INPP4B: variants seen among roughly 807,000 people sequenced by gnomAD.
The protein encoded by INPP4B is inositol polyphosphate 4-phosphatase type II.
INPP4B carries 55 observed loss-of-function variants against 122.5 expected under a neutral mutation model. The ratio of observed to expected loss-of-function variants is 0.45; its 90% CI spans 0.36 to 0.56. INPP4B has a LOEUF of 0.56. Ranked by LOEUF, INPP4B falls within the 20% of genes least tolerant of loss-of-function variation. The probability of loss-of-function intolerance (pLI) is 0.00; values close to 1 mark genes in which losing one functional copy is unlikely to be tolerated. For missense variants in INPP4B, 1,000 were observed against 1,097.7 expected (o/e 0.91, Z 1.26); for synonymous variants, 403 against 388.7 (o/e 1.04, Z -0.43).
At chr4:142,107,695 T>C (rs942467567) in intron 23 of INPP4B, among the ~76,000 whole-genome samples, 2 of 152,194 alleles carry the variant, frequency 1.3e-5, no homozygotes, top group African/African-American at 4.8e-5. Context: ...TCTGATGTTC[T>C]CCTGCATGTG....
At chr4:142,248,285 C>G (rs1356084024) in intron 11 of INPP4B, among the ~76,000 whole-genome samples, 1 of 151,372 alleles carries the variant, frequency 6.6e-6, no homozygotes, top group African/African-American at 2.4e-5. Context: ...GCACCCGTTC[C>G]TCCCCCTCCT....
intron 16 of INPP4B, among the ~76,000 whole-genome samples, chr4:142,166,491 A>G (rs1345423358): frequency 1.3e-5 from 2 of 151,866 alleles, no homozygotes; most frequent in African/African-American, 4.8e-5. Context: ...CAAATATTTT[A>G]TGATGAAATC....
At chr4:142,148,204 T>C (rs544253933) in intron 17 of INPP4B, among the ~76,000 whole-genome samples, 120 of 152,204 alleles carry the variant, frequency 7.9e-4, no homozygotes, top group African/African-American at 2.5e-3. Flanking sequence ...TTAACTCTCT[T>C]GCTGTTGCCC....
At chr4:142,115,474 T>C (rs1578954321) in intron 21 of INPP4B, among the ~76,000 whole-genome samples, 1 of 152,128 alleles carries the variant, frequency 6.6e-6, no homozygotes, top group African/African-American at 2.4e-5. Context: ...TGGCAGAAAC[T>C]CTACAAGCCA....
intron 15 of INPP4B, among the ~76,000 whole-genome samples, chr4:142,182,759 G>A (rs975057462): frequency 1.3e-5 from 2 of 151,994 alleles, no homozygotes; most frequent in Non-Finnish European, 2.9e-5. Flanking sequence ...AAACCTAAGA[G>A]TCCTTCAATC....
At chr4:142,453,814 T>G (rs1040665894) in intron 3 of INPP4B, among the ~76,000 whole-genome samples, 2 of 152,236 alleles carry the variant, frequency 1.3e-5, no homozygotes, top group Admixed American at 6.5e-5. Context: ...AAATAAAAAT[T>G]TAACTGCTAA....
At chr4:142,406,983 C>A (rs1579976223) in intron 5 of INPP4B, among the ~76,000 whole-genome samples, 1 of 152,104 alleles carries the variant, frequency 6.6e-6, no homozygotes, top group Non-Finnish European at 1.5e-5. Flanking sequence ...TGGCACCTCT[C>A]TTTGGAAGAC....
At chr4:142,757,518 A>G (rs756804544) in intron 1 of INPP4B, among the ~76,000 whole-genome samples, 12 of 152,114 alleles carry the variant, frequency 7.9e-5, no homozygotes, top group Admixed American at 1.3e-4. Context: ...AATGTCATGT[A>G]GTTGGAATCA....
chr4:142,259,552 A>G (rs1388037694), intron 11 of INPP4B, among the ~76,000 whole-genome samples: 2 of 149,492 alleles, frequency 1.3e-5, no homozygotes, highest in Admixed American at 1.3e-4. Flanking sequence ...TAAATTGTTT[A>G]TATTGTTATA....
chr4:142,739,048 C>A (rs1767506642), intron 1 of INPP4B, among the ~76,000 whole-genome samples: 1 of 152,022 alleles, frequency 6.6e-6, no homozygotes. Context: ...AAACAATCAC[C>A]ATCAACAATG....
intron 2 of INPP4B, among the ~76,000 whole-genome samples, chr4:142,627,567 G>A (rs1379800271): frequency 1.6e-4 from 22 of 138,716 alleles, no homozygotes; most frequent in South Asian, 2.5e-4. Flanking sequence ...ATTGATTTGC[G>A]TATATTGAAC....
At chr4:142,393,638 G>A (rs764599757) in intron 7 of INPP4B, among the ~76,000 whole-genome samples, 13 of 152,202 alleles carry the variant, frequency 8.5e-5, no homozygotes, top group Non-Finnish European at 1.8e-4. Flanking sequence ...CTATATTTGC[G>A]TCCTTGTGGA....
At chr4:142,463,684 G>C (rs188259254) in intron 2 of INPP4B, among the ~76,000 whole-genome samples, 4 of 152,158 alleles carry the variant, frequency 2.6e-5, no homozygotes, top group African/African-American at 7.2e-5. Context: ...TTGAATCATG[G>C]GGGTGGTTAC....
At chr4:142,111,175 A>C (rs946974838) in intron 22 of INPP4B, among the ~76,000 whole-genome samples, 2 of 151,474 alleles carry the variant, frequency 1.3e-5, no homozygotes, top group Non-Finnish European at 2.9e-5. Context: ...CCTGTGGGGC[A>C]GGGGTCACTT....
chr4:142,496,657 G>T (rs1205672678), intron 2 of INPP4B, among the ~76,000 whole-genome samples: 2 of 152,024 alleles, frequency 1.3e-5, no homozygotes, highest in Admixed American at 1.3e-4. Flanking sequence ...TGTAATAAAG[G>T]TATTAATTCT....
chr4:142,249,343 C>G (rs894398965), intron 11 of INPP4B, among the ~76,000 whole-genome samples: 2 of 151,980 alleles, frequency 1.3e-5, no homozygotes, highest in Non-Finnish European at 2.9e-5. Context: ...GGCTGAAGTA[C>G]TCTGTAGAAT....
chr4:142,546,737 A>G (rs1239136121), intron 2 of INPP4B, among the ~76,000 whole-genome samples: 1 of 152,192 alleles, frequency 6.6e-6, no homozygotes, highest in African/African-American at 2.4e-5. Context: ...TAATTTAAAA[A>G]GTCCCACCAT....
At chr4:142,817,346 A>G (rs1291833289) in intron 1 of INPP4B, among the ~76,000 whole-genome samples, 1 of 152,186 alleles carries the variant, frequency 6.6e-6, no homozygotes, top group African/African-American at 2.4e-5. Flanking sequence ...TATCAGTCAC[A>G]TATCTGATGA....
At chr4:142,793,907 G>A (rs2151071747) in intron 1 of INPP4B, among the ~76,000 whole-genome samples, 1 of 151,894 alleles carries the variant, frequency 6.6e-6, no homozygotes, top group Non-Finnish European at 1.5e-5. Context: ...AATATTAAAG[G>A]AAACTAAACA....
Sources: gnomAD v4.1 joint callset for allele counts (sites outside exome capture counted in the v4.1 genomes callset) on GRCh38, gnomAD v4.1.1 for gene constraint, MANE v1.5 for transcripts, NCBI Gene and HGNC (gene_info 2026-07-23, HGNC 2026-07-21) for gene names.